Variants in SLC37A2 observed in about 807,000 individuals in gnomAD.
SLC37A2 encodes solute carrier family 37 member 2.
Under a neutral mutation model 70.7 loss-of-function variants are expected in SLC37A2, and 59 were observed. That is an observed-to-expected ratio of 0.83 (90% CI 0.68 to 1.04). The LOEUF (loss-of-function observed/expected upper bound fraction) is 1.04. Among genes scored for constraint, SLC37A2 ranks in the 50% least tolerant of loss-of-function variants. SLC37A2 has a pLI of 0.00. For synonymous variants in SLC37A2, 257 were observed against 262.1 expected, an observed-to-expected ratio of 0.98 and a Z score of 0.19; for missense variants, 580 against 658.1, an observed-to-expected ratio of 0.88 and a Z score of 1.30.
chr11:125,079,035 G>A (rs1167866134), intron 4 of SLC37A2, 77 bp from the exon 5 acceptor site: 3 of 1,593,848 alleles, frequency 1.9e-6, no homozygotes, highest in Admixed American at 3.4e-5. Flanking sequence ...TCCTAGCGTG[G>A]TGGGGGCAGA....
chr11:125,074,011 G>A (rs573359273), intron 1 of SLC37A2, among the ~76,000 whole-genome samples: 7 of 152,270 alleles, frequency 4.6e-5, no homozygotes, highest in South Asian at 4.1e-4. Context: ...CCTGCGCCAC[G>A]CCACCTGAGG....
chr11:125,063,849 G>A lies in SLC37A2; in HGVS notation c.59+423G>A, dbSNP rs796576944. On this transcript the variant is annotated intron_variant, in intron 1 of 17. Coordinates refer to ENST00000403796, the MANE Select transcript of SLC37A2 (RefSeq NM_001145290.2). The surrounding 1 kb of genome is among the most constrained non-coding windows in gnomAD (Gnocchi z 5.4). The stretch of plus-strand genomic sequence containing the variant: ...AAGGGGTTGCCACTGGGGTTTGTGA[G>A]TGTCCCTCTTGGTCTCCTTTAGCCC... Among the ~76,000 whole-genome samples the A allele has an allele frequency of 6.6e-6, 1 of 152,358 alleles. No individual in the cohort carries two copies. The highest frequency in any genetic ancestry group is 2.4e-5 in the African/African-American group (1 of 41,590).
intron 1 of SLC37A2, among the ~76,000 whole-genome samples, chr11:125,074,700 C>T (rs544939591): frequency 1.8e-4 from 27 of 152,234 alleles, no homozygotes; most frequent in African/African-American, 5.8e-4. Flanking sequence ...CCTGGGAGGG[C>T]TCAGCATGAG....
rs115177526 is a variant in SLC37A2, at chr11:125,077,677, G to A, written c.314+149G>A. The stretch of plus-strand genomic sequence containing the variant: ...CCATCCTCCTTGCCTTACCGCGGTC[G>A]CAGAGACTGCTCCTTCGCCTGGTAG... On this transcript the variant is annotated intron_variant, in intron 4 of 17. Coordinates refer to ENST00000403796, the MANE Select transcript of SLC37A2 (RefSeq NM_001145290.2). The A allele has an allele frequency of 2.7e-3, 1,626 of 608,436 alleles. 22 individuals carry two copies. Among genetic ancestry groups the A allele is most frequent in the African/African-American group, 0.026 (1,422 of 53,888 alleles). 37.7% of individuals were successfully genotyped at this position (608,436 alleles called of 1,614,324 possible). A position where few individuals can be genotyped will look rare whatever the true frequency, so the allele number is the denominator to read the frequency against.
intron 4 of SLC37A2, among the ~76,000 whole-genome samples, 165 bp downstream of exon 4, chr11:125,077,693 C>T (rs1208513051): frequency 6.6e-6 from 1 of 152,226 alleles, no homozygotes; most frequent in Non-Finnish European, 1.5e-5. Flanking sequence ...ACTGCTCCTT[C>T]GCCTGGTAGA....
intron 4 of SLC37A2, among the ~76,000 whole-genome samples, chr11:125,077,762 C>G (rs56350429): frequency 0.37 from 55,610 of 152,132 alleles, 10,548 homozygotes; most frequent in African/African-American, 0.43. Flanking sequence ...GCTTTTGAGT[C>G]TATTCACTCA....
intron 1 of SLC37A2, among the ~76,000 whole-genome samples, chr11:125,074,760 C>A (rs2135565343): frequency 6.6e-6 from 1 of 152,312 alleles, no homozygotes; most frequent in African/African-American, 2.4e-5. Context: ...ACGGAGCCAG[C>A]AAGGGCTTCA....
intron 1 of SLC37A2, among the ~76,000 whole-genome samples, chr11:125,074,074 A>G (rs756243569): frequency 2.0e-5 from 3 of 152,014 alleles, no homozygotes; most frequent in Non-Finnish European, 4.4e-5. Flanking sequence ...GTTTCACCCT[A>G]CAGATACCCC....
chr11:125,070,175 CTCCTG>C (rs1949016661), intron 1 of SLC37A2, among the ~76,000 whole-genome samples: 1 of 152,190 alleles, frequency 6.6e-6, no homozygotes, highest in South Asian at 2.1e-4. Flanking sequence ...GAGCTGTGAG[CTCCTG>C]TGGTGCCATT....
chr11:125,068,264 C>A (rs80235159), intron 1 of SLC37A2, among the ~76,000 whole-genome samples: 2,460 of 152,250 alleles, frequency 0.016, 84 homozygotes, highest in African/African-American at 0.056. Flanking sequence ...CAGATGGGTT[C>A]TTGAGGATAA....
intron 17 of SLC37A2, 123 bp downstream of exon 17, chr11:125,086,141 C>A: frequency 6.5e-7 from 1 of 1,537,064 alleles, no homozygotes; most frequent in Non-Finnish European, 9.0e-7. Context: ...GAGCACTGAG[C>A]CAGTCCCTGG....
chr11:125,063,977 G>A lies in SLC37A2; in HGVS notation c.59+551G>A, dbSNP rs912716607. On this transcript the variant is annotated intron_variant, in intron 1 of 17. Transcript: ENST00000403796. This position sits in a 1 kb window ranked among gnomAD's most constrained non-coding sequence, Gnocchi z 5.4. The stretch of plus-strand genomic sequence containing the variant: ...TCAGAGCAGAGCAGGGCAGCCCCTC[G>A]GCAGTGGGAGAAGGGCTTCACAGAG... Among the ~76,000 whole-genome samples, 3 of 152,162 alleles carry A rather than the reference G, an allele frequency of 2.0e-5. No individual in the cohort carries two copies. The highest frequency in any genetic ancestry group is 2.1e-4 in the South Asian group (1 of 4,830).
chr11:125,079,053 T>TA, intron 4 of SLC37A2, 59 bp from the exon 5 acceptor site: 1 of 1,608,272 alleles, frequency 6.2e-7, no homozygotes, highest in East Asian at 2.2e-5. Flanking sequence ...AGAAACATGG[T>TA]AGGGAGTTGA....
intron 17 of SLC37A2, chr11:125,086,255 A>G: frequency 6.2e-7 from 1 of 1,609,802 alleles, no homozygotes; most frequent in Non-Finnish European, 8.5e-7. Context: ...AAGTCCCATG[A>G]CTTTTGTGAG....
intron 1 of SLC37A2, among the ~76,000 whole-genome samples, chr11:125,074,968 C>G (rs142491254): frequency 6.6e-6 from 1 of 152,200 alleles, no homozygotes; most frequent in African/African-American, 2.4e-5. Context: ...GCAGTATAAC[C>G]AGGGACCTGG....
chr11:125,066,963 C>CTATTT (rs67287584), intron 1 of SLC37A2, among the ~76,000 whole-genome samples: 14,333 of 150,696 alleles, frequency 0.095, 887 homozygotes, highest in South Asian at 0.13. Context: ...AGCCTAGTAA[C>CTATTT]TATTTTATTT....
intron 4 of SLC37A2, 142 bp from the exon 5 acceptor site, chr11:125,078,970 G>A: frequency 1.0e-6 from 1 of 970,954 alleles, no homozygotes; most frequent in Middle Eastern, 2.2e-4. Flanking sequence ...GACAGAGGTT[G>A]GCCCCGTCAC....
intron 1 of SLC37A2, among the ~76,000 whole-genome samples, chr11:125,070,125 G>C (rs1949016261): frequency 2.6e-5 from 4 of 152,254 alleles, no homozygotes; most frequent in Admixed American, 1.3e-4. Context: ...GGATGAGCAG[G>C]AATGGGCAGG....
At chr11:125,065,572 T>C (rs1423696489) in intron 1 of SLC37A2, among the ~76,000 whole-genome samples, 1 of 152,214 alleles carries the variant, frequency 6.6e-6, no homozygotes, top group East Asian at 1.9e-4. Context: ...CCTTTTGGCT[T>C]GTAAACCTGG....
Sources: gnomAD v4.1 joint callset for allele counts (sites outside exome capture counted in the v4.1 genomes callset) on GRCh38, gnomAD v4.1.1 for gene constraint, Gnocchi (gnomAD v3.1) non-coding constraint, MANE v1.5 for transcripts, NCBI Gene and HGNC (gene_info 2026-07-23, HGNC 2026-07-21) for gene names.